Variants in ZFPM1 observed in about 807,000 individuals in gnomAD.
The protein encoded by ZFPM1 is zinc finger protein ZFPM1.
Under a neutral mutation model 46.3 loss-of-function variants are expected in ZFPM1, and 28 were observed. That is an observed-to-expected ratio of 0.60 (90% confidence interval 0.45 to 0.83). The LOEUF is 0.83. Ranked by LOEUF, ZFPM1 falls within the 40% of genes least tolerant of loss-of-function variation. The pLI is 0.00. For missense variants in ZFPM1, 1,878 were observed against 1,432.4 expected (o/e 1.31, Z -5.02); for synonymous variants, 957 against 675.9 (o/e 1.42, Z -6.45).
rs748321123 is a variant in ZFPM1 at position 88,534,017 on chromosome 16, G to A, written c.2059G>A (p.Ala687Thr). ...EDDPSRTLCE[A>T]CNIRFSRHET... The stretch of plus-strand genomic sequence containing the variant: ...CGACCCCAGCCGCACGCTGTGCGAG[G>A]CCTGCAACATCCGCTTCAGCCGCCA... The change falls in exon 10 of 10, where the codon GCC (alanine) becomes ACC (threonine). Residue 687 changes from alanine (A) to threonine (T), a missense_variant. Ala to Thr is a moderately conservative substitution (Grantham distance 58). Transcript: ENST00000319555. The A allele has an allele frequency of 4.4e-6, 6 of 1,373,412 alleles. No individual in the cohort carries two copies. Among genetic ancestry groups the A allele is most frequent in the Non-Finnish European group, 3.8e-6 (4 of 1,047,208 alleles). The allele number at this position is 1,373,412 out of a possible 1,614,324, so 85.1% of individuals were successfully genotyped here.
intron 1 of ZFPM1, among the ~76,000 whole-genome samples, chr16:88,475,238 A>G (rs768778927): frequency 2.0e-5 from 3 of 152,216 alleles, no homozygotes; most frequent in Non-Finnish European, 4.4e-5. Context: ...CCCTGGCTTC[A>G]GCCATGCAGT....
chr16:88,516,588 T>C (rs985608027), intron 4 of ZFPM1: 1 of 398,634 alleles, frequency 2.5e-6, no homozygotes, highest in South Asian at 1.3e-4. Flanking sequence ...TGGCGCCGAG[T>C]GTCCAGACAC....
chr16:88,472,089 C>T (rs912832838), intron 1 of ZFPM1, among the ~76,000 whole-genome samples: 6 of 152,330 alleles, frequency 3.9e-5, no homozygotes, highest in East Asian at 3.9e-4. Flanking sequence ...CACCCATGGC[C>T]GCCGGTAACC....
chr16:88,532,744 C>T (rs765309789), intron 8 of ZFPM1, 35 bp downstream of exon 8: 1 of 1,612,472 alleles, frequency 6.2e-7, no homozygotes, highest in Non-Finnish European at 8.5e-7. Context: ...TGTGTGGGTC[C>T]CGCCTCCCCG....
At chr16:88,518,308 G>C (rs1299753674) in intron 4 of ZFPM1, among the ~76,000 whole-genome samples, 2 of 152,082 alleles carry the variant, frequency 1.3e-5, no homozygotes, top group Non-Finnish European at 2.9e-5. Flanking sequence ...CAGGTGGATG[G>C]ATGGATAGAT....
chr16:88,500,643 T>C (rs961233839), intron 3 of ZFPM1, among the ~76,000 whole-genome samples: 2 of 151,998 alleles, frequency 1.3e-5, no homozygotes, highest in Non-Finnish European at 2.9e-5. Context: ...ACCCTCCCGC[T>C]GGCACAACGG....
intron 1 of ZFPM1, among the ~76,000 whole-genome samples, chr16:88,458,769 A>T (rs957683806): frequency 2.0e-5 from 3 of 151,996 alleles, no homozygotes; most frequent in Admixed American, 2.0e-4. Context: ...CATTTCACAG[A>T]GGGGGAAACT....
In ZFPM1 at chr16:88,528,141, G is replaced by A. The variant is rs778362893; in HGVS notation, c.615G>A (p.Glu205=). The A allele has an allele frequency of 6.2e-7, 1 of 1,604,276 alleles. No individual in the cohort carries two copies. Among genetic ancestry groups the A allele is most frequent in the South Asian group, 1.1e-5 (1 of 89,514 alleles). ...HSTPGHPVKK[E]PAEPTCPAPA... is the part of the protein sequence containing the mutation. ...CCCCCGGCCACCCTGTGAAGAAGGAGCCAGCAGAGCCCACGTGCCCGGCCC... is the reference window on the plus strand; with the variant it reads ...CCCCCGGCCACCCTGTGAAGAAGGAACCAGCAGAGCCCACGTGCCCGGCCC... The change falls in exon 6 of 10, where the codon GAG becomes GAA. Residue 205 remains glutamate (E), a synonymous_variant. Coordinates refer to ENST00000319555, the MANE Select transcript of ZFPM1 (RefSeq NM_153813.3).
chr16:88,502,085 T>C (rs988234532), intron 3 of ZFPM1, among the ~76,000 whole-genome samples: 1,630 of 141,880 alleles, frequency 0.011, 15 homozygotes, highest in Middle Eastern at 0.019. Context: ...TTTATTTATT[T>C]ATTTATTTAT....
rs979678350 is a variant in ZFPM1 at position 88,535,294 on chromosome 16, G to T, written c.*315G>T. On this transcript the variant is annotated 3_prime_UTR_variant, in exon 10 of 10. Coordinates refer to ENST00000319555, the MANE Select transcript of ZFPM1 (RefSeq NM_153813.3). The stretch of plus-strand genomic sequence containing the variant: ...GCCCCTGCCGGAGTTACACCACTGG[G>T]TGCTAAGAGCTAGACCGAGCGTCAG... 14 of 230,150 alleles carry T rather than the reference G, an allele frequency of 6.1e-5. No homozygotes were observed. The highest frequency in any genetic ancestry group is 2.3e-4 in the Admixed American group (4 of 17,318). 14.3% of individuals were successfully genotyped at this position (230,150 alleles called of 1,614,324 possible).
intron 3 of ZFPM1, among the ~76,000 whole-genome samples, chr16:88,503,878 C>T (rs4782372): frequency 0.18 from 26,634 of 151,860 alleles, 2,552 homozygotes; most frequent in East Asian, 0.28. Flanking sequence ...GTGGAGGTGA[C>T]GAGCCTGAAG....
intron 1 of ZFPM1, among the ~76,000 whole-genome samples, chr16:88,478,430 C>A (rs370747458): frequency 1.3e-3 from 200 of 152,348 alleles, no homozygotes; most frequent in Non-Finnish European, 2.3e-3. Flanking sequence ...CCTCTTCATT[C>A]TTCATCTCCA....
intron 2 of ZFPM1, among the ~76,000 whole-genome samples, chr16:88,486,516 G>A (rs1411678668): frequency 6.6e-6 from 1 of 151,724 alleles, no homozygotes; most frequent in Non-Finnish European, 1.5e-5. Context: ...GTGCAAGTGG[G>A]TGCTGGGTGC....
intron 4 of ZFPM1, among the ~76,000 whole-genome samples, chr16:88,520,641 ATGGATGGGTGGATGGATGGGAGGGTGGG>A (rs1911785233): frequency 2.3e-5 from 2 of 85,192 alleles, no homozygotes; most frequent in South Asian, 4.5e-4. Flanking sequence ...TGGTGGATAG[ATGGATGGGTGGATGGATGGGAGGGTGGG>A]TGGATGGGTG....
Position 88,534,139 on chromosome 16 carries a change from C to T in ZFPM1, c.2181C>T (p.Ala727=). 9.9e-7 allele frequency: 1 copy of T among 1,008,492 alleles called. No homozygotes were observed. The highest frequency in any genetic ancestry group is 4.4e-5 in the South Asian group (1 of 22,620). The allele number at this position is 1,008,492 out of a possible 1,614,324, so 62.5% of individuals were successfully genotyped here. The change falls in exon 10 of 10, where the codon GCC becomes GCT. Residue 727 remains alanine (A), a synonymous_variant. Coordinates refer to ENST00000319555, the MANE Select transcript of ZFPM1 (RefSeq NM_153813.3). ...PAAPPGPPGP[A]APPAPSPAAP... The stretch of plus-strand genomic sequence containing the variant: ...CGCCCCCGGGACCCCCTGGGCCGGC[C>T]GCGCCCCCGGCCCCCTCTCCCGCCG...
At position 88,514,535 on chromosome 16, in the gene ZFPM1, T is replaced by TCCCCCCCCCCCCCCCCCCCCCCCCCCCA; in HGVS notation, c.402+19_402+20insCCCCCCCCCCCCCCCCCCCCCCCACCCC. ...AGGCGGAGCCGGTAAGAAGCCCCCA[T>TCCCCCCCCCCCCCCCCCCCCCCCCCCCA]CCCCGCCCCTGCCCGCCCACCCCAA... On this transcript the variant is annotated intron_variant, in intron 4 of 9. Coordinates refer to ENST00000319555, the MANE Select transcript of ZFPM1 (RefSeq NM_153813.3). The TCCCCCCCCCCCCCCCCCCCCCCCCCCCA allele has an allele frequency of 6.5e-7, 1 of 1,544,762 alleles. No individual in the cohort carries two copies. Among genetic ancestry groups the TCCCCCCCCCCCCCCCCCCCCCCCCCCCA allele is most frequent in the Admixed American group, 2.0e-5 (1 of 50,966 alleles).
intron 1 of ZFPM1, among the ~76,000 whole-genome samples, chr16:88,455,132 G>GGTGTGTGTGTGTGT (rs4047261): frequency 2.9e-4 from 41 of 141,770 alleles, no homozygotes; most frequent in East Asian, 1.3e-3. Context: ...TCGGTTCTGG[G>GGTGTGTGTGTGTGT]GTGTGTGTGT....
At chr16:88,509,923 G>A (rs545925569) in intron 3 of ZFPM1, among the ~76,000 whole-genome samples, 4 of 152,280 alleles carry the variant, frequency 2.6e-5, no homozygotes, top group African/African-American at 9.6e-5. Context: ...TGTTGGCCAC[G>A]TTGTTGAGGG....
chr16:88,505,044 C>G (rs1302352456), intron 3 of ZFPM1, among the ~76,000 whole-genome samples: 2 of 152,218 alleles, frequency 1.3e-5, no homozygotes, highest in African/African-American at 4.8e-5. Flanking sequence ...TGTTCTGTGT[C>G]AAAAAATCAA....
Sources: allele counts gnomAD v4.1 joint callset (sites outside exome capture counted in the v4.1 genomes callset), GRCh38; gene constraint gnomAD v4.1.1; transcripts MANE v1.5; gene names NCBI Gene and HGNC (gene_info 2026-07-23, HGNC 2026-07-21).